Variants in SLC24A4 observed in about 807,000 individuals in gnomAD.
SLC24A4 encodes sodium/potassium/calcium exchanger 4.
SLC24A4 carries 53 observed loss-of-function variants against 79.0 expected under a neutral mutation model. The observed-to-expected ratio is 0.67, with a 90% CI of 0.54 to 0.84. The LOEUF is 0.84. Among genes scored for constraint, SLC24A4 ranks in the 40% least tolerant of loss-of-function variants. The pLI is 0.00. For missense variants in SLC24A4, 731 were observed against 822.0 expected (o/e 0.89, Z 1.35); for synonymous variants, 323 against 323.8 (o/e 1.00, Z 0.03).
At chr14:92,336,871 T>C (rs1298553086) in intron 2 of SLC24A4, among the ~76,000 whole-genome samples, 2 of 152,142 alleles carry the variant, frequency 1.3e-5, no homozygotes, top group Non-Finnish European at 2.9e-5. Flanking sequence ...CAGACAGCAG[T>C]GTGCACCTGA....
At chr14:92,393,055 G>A (rs28503765) in intron 2 of SLC24A4, among the ~76,000 whole-genome samples, 15,608 of 149,944 alleles carry the variant, frequency 0.1, 1,902 homozygotes, top group African/African-American at 0.29. Context: ...CGTGGGAGGC[G>A]CCATCTATGA....
chr14:92,376,183 A>T (rs1246720047), intron 2 of SLC24A4, among the ~76,000 whole-genome samples: 1 of 152,230 alleles, frequency 6.6e-6, no homozygotes, highest in Non-Finnish European at 1.5e-5. Flanking sequence ...ACGAGGGTTC[A>T]AATCCTGGCA....
rs1895849424 is a variant in SLC24A4 at position 92,494,247 on chromosome 14, G to C, written c.*619G>C. On this transcript the variant is annotated 3_prime_UTR_variant, in exon 17 of 17. Transcript: ENST00000532405. This position sits in a 1 kb window ranked among gnomAD's most constrained non-coding sequence, Gnocchi z 4.6. ...GAAAATAATTTTTTTCTGTGGAAGA[G>C]AGAAAATGAGTGAATATTCTTCTCA... is the stretch of plus-strand genomic sequence containing the variant. The C allele has an allele frequency of 4.6e-5, 7 of 152,714 alleles. No homozygotes were observed. The highest frequency in any genetic ancestry group is 4.6e-4 in the Admixed American group (7 of 15,294). The allele number at this position is 152,714 out of a possible 1,614,324, so 9.5% of individuals were successfully genotyped here.
In SLC24A4 at chr14:92,374,610, C is replaced by A. The variant is rs148131565; in HGVS notation, c.241+48632C>A. 4.5e-3 allele frequency among the ~76,000 whole-genome samples: 680 copies of A among 152,348 alleles called. 1 individual carries two copies. Among genetic ancestry groups the A allele is most frequent in the Middle Eastern group, 0.017 (5 of 294 alleles). On this transcript the variant is annotated intron_variant, in intron 2 of 16. Transcript: ENST00000532405. ...AAAGTCTCTTGCAACCACTCCCACT[C>A]CACGTTCCCTTCCTTAACTCTCAGC...
intron 2 of SLC24A4, among the ~76,000 whole-genome samples, chr14:92,374,683 C>G (rs972243316): frequency 2.0e-5 from 3 of 152,158 alleles, no homozygotes; most frequent in Admixed American, 2.0e-4. Flanking sequence ...CATTGGAGAT[C>G]GGAGTCTGAA....
intron 2 of SLC24A4, among the ~76,000 whole-genome samples, chr14:92,355,101 A>G (rs1000521718): frequency 2.0e-5 from 3 of 152,108 alleles, no homozygotes; most frequent in Non-Finnish European, 2.9e-5. Flanking sequence ...AACAACAACA[A>G]CAACACAAAT....
chr14:92,393,760 C>T (rs1889619702), intron 2 of SLC24A4, among the ~76,000 whole-genome samples: 1 of 151,940 alleles, frequency 6.6e-6, no homozygotes, highest in South Asian at 2.1e-4. Context: ...CCTGTAATCC[C>T]AGCACTTTAG....
intron 2 of SLC24A4, among the ~76,000 whole-genome samples, chr14:92,416,162 A>G (rs56017763): frequency 0.059 from 8,930 of 150,506 alleles, 377 homozygotes; most frequent in East Asian, 0.11. Flanking sequence ...TCGGCCAGTG[A>G]CTTTTGTGGT....
intron 3 of SLC24A4, 47 bp from the exon 4 acceptor site, chr14:92,439,288 C>T (rs1338289394): frequency 3.9e-6 from 6 of 1,527,886 alleles, no homozygotes; most frequent in Non-Finnish European, 5.4e-6. Flanking sequence ...TTTGCAGCTG[C>T]AGCAGGGACC....
At chr14:92,434,271 C>T (rs1892044348) in intron 3 of SLC24A4, among the ~76,000 whole-genome samples, 1 of 152,180 alleles carries the variant, frequency 6.6e-6, no homozygotes, top group Non-Finnish European at 1.5e-5. Flanking sequence ...GTACCTATTA[C>T]AGAGTGTGAA....
intron 2 of SLC24A4, among the ~76,000 whole-genome samples, chr14:92,426,170 A>G (rs144702970): frequency 2.0e-5 from 3 of 152,304 alleles, no homozygotes; most frequent in African/African-American, 7.2e-5. Flanking sequence ...GTTACTAAAA[A>G]GGAATACCTG....
At chr14:92,354,518 G>A (rs1020655455) in intron 2 of SLC24A4, among the ~76,000 whole-genome samples, 5 of 152,206 alleles carry the variant, frequency 3.3e-5, no homozygotes. Context: ...TTGCCGTTAT[G>A]TAGTTTACAG....
At position 92,323,974 on chromosome 14, in the gene SLC24A4, CG is replaced by C; in HGVS notation, c.130+17del. ...TCGGCAGCTTGGGTGGGTGCTGGTA[CG>C]GGTCCCCTCTTCCTGGGGAGTTGGG... On this transcript the variant is annotated intron_variant, in intron 1 of 16. Coordinates refer to ENST00000532405, the MANE Select transcript of SLC24A4 (RefSeq NM_153646.4). This position sits in a 1 kb window ranked among gnomAD's most constrained non-coding sequence, Gnocchi z 4.9. The C allele has an allele frequency of 6.2e-7, 1 of 1,607,330 alleles. No individual in the cohort carries two copies. Among genetic ancestry groups the C allele is most frequent in the Non-Finnish European group, 8.5e-7 (1 of 1,177,766 alleles).
intron 11 of SLC24A4, among the ~76,000 whole-genome samples, chr14:92,455,493 A>G (rs1893403024): frequency 6.6e-6 from 1 of 152,238 alleles, no homozygotes; most frequent in Admixed American, 6.5e-5. Context: ...TGCCTGAAAG[A>G]AGCCAGTCAT....
chr14:92,428,600 C>T (rs1190498344), intron 2 of SLC24A4, among the ~76,000 whole-genome samples: 3 of 152,154 alleles, frequency 2.0e-5, no homozygotes, highest in African/African-American at 7.2e-5. Context: ...GTTTATAGGA[C>T]GGCTGAGGAA....
In SLC24A4 at chr14:92,327,687, C is replaced by T. The variant is rs148489461; in HGVS notation, c.241+1709C>T. Among the ~76,000 whole-genome samples, 198 of 152,298 alleles carry T rather than the reference C, an allele frequency of 1.3e-3. 2 individuals are homozygous for T. Among genetic ancestry groups the T allele is most frequent in the African/African-American group, 4.5e-3 (188 of 41,570 alleles). ...CATAGCCTGAGTATGTTGGCTTAGA[C>T]GGGGATCCCTTTCTTATGATAGAGT... On this transcript the variant is annotated intron_variant, in intron 2 of 16. Transcript: ENST00000532405.
Position 92,495,529 on chromosome 14 carries a change from G to A in SLC24A4, c.*1901G>A, listed in dbSNP as rs544379593. Reference sequence around the variant, plus strand: ...CAGCTGCAGGGATTCCAGAGCCCTCGGGACCACTCTGTCACCTTAATAGCC... The same window carrying A: ...CAGCTGCAGGGATTCCAGAGCCCTCAGGACCACTCTGTCACCTTAATAGCC... On this transcript the variant is annotated 3_prime_UTR_variant, in exon 17 of 17. Transcript: ENST00000532405. The A allele has an allele frequency of 6.6e-6, 1 of 152,194 alleles. No individual in the cohort carries two copies. Among genetic ancestry groups the A allele is most frequent in the South Asian group, 2.1e-4 (1 of 4,820 alleles). The allele number at this position is 152,194 out of a possible 1,614,324, so 9.4% of individuals were successfully genotyped here. A position where few individuals can be genotyped will look rare whatever the true frequency, so the allele number is the denominator to read the frequency against.
chr14:92,407,274 G>A (rs536307817), intron 2 of SLC24A4, among the ~76,000 whole-genome samples: 2 of 152,330 alleles, frequency 1.3e-5, no homozygotes, highest in South Asian at 4.1e-4. Flanking sequence ...GTCACTGTCA[G>A]CATTTTGGTC....
rs117366759 is a variant in SLC24A4 at position 92,342,341 on chromosome 14, C to T, written c.241+16363C>T. ...GGGGGGTCTCCATTTCTGACATGCT[C>T]CCAGATTCTTCTTTTTTTCCCCATT... On this transcript the variant is annotated intron_variant, in intron 2 of 16. Coordinates refer to ENST00000532405, the MANE Select transcript of SLC24A4 (RefSeq NM_153646.4). 3.0e-4 allele frequency among the ~76,000 whole-genome samples: 45 copies of T among 147,872 alleles called. 1 individual carries two copies. The South Asian group carries it at 9.4e-3, about 31-fold the overall frequency.
Sources: allele counts gnomAD v4.1 joint callset (sites outside exome capture counted in the v4.1 genomes callset), GRCh38; gene constraint gnomAD v4.1.1; non-coding constraint Gnocchi (gnomAD v3.1); transcripts MANE v1.5; gene names NCBI Gene and HGNC (gene_info 2026-07-23, HGNC 2026-07-21).